The following TTN variants were observed in gnomAD, a reference collection of about 807,000 sequenced individuals.
TTN encodes the protein titin, also known as connectin.
A neutral mutation model predicts 3,223.0 loss-of-function variants in TTN; 1,525 were observed. The observed-to-expected ratio is 0.47, with a 90% CI of 0.45 to 0.49. The LOEUF is 0.49. TTN is among the 20% of genes least tolerant of loss of function. The pLI, the probability that TTN is intolerant of heterozygous loss-of-function variation, is 0.00. For missense variants in TTN, 40,786 were observed against 43,424.0 expected (o/e 0.94, Z 5.40); for synonymous variants, 14,094 against 15,161.0 (o/e 0.93, Z 5.17).
At chr2:178,759,283 T>A in intron 43 of TTN, 111 bp from the exon 44 acceptor site, 2 of 1,088,042 alleles carry the variant, frequency 1.8e-6, no homozygotes, top group Non-Finnish European at 2.8e-6. Flanking sequence ...ATATTTGACT[T>A]AATAACATGA....
Position 178,779,278 on chromosome 2 carries a change from C to T in TTN, c.3914G>A (p.Gly1305Glu). Residue 1305 changes from glycine to glutamate, a missense_variant, in exon 23 of 363, where the codon GGG (glycine) becomes GAG (glutamate). Physicochemically the swap from Gly to Glu is moderately conservative, Grantham distance 98. Coordinates refer to ENST00000589042, the MANE Select transcript of TTN (RefSeq NM_001267550.2). ...CTTGCAATGAAAAGTGACACCCATC[C>T]CCTCAAGAATTCTATAATTCTTGAT... ...SRIKNYRILEGMGVTFHCKMS... is the reference protein window; with the variant it reads ...SRIKNYRILEEMGVTFHCKMS... 1 of 1,613,794 alleles carries T rather than the reference C, an allele frequency of 6.2e-7. No homozygotes were observed. Among genetic ancestry groups the T allele is most frequent in the South Asian group, 1.1e-5 (1 of 91,064 alleles).
In TTN at chr2:178,764,617, C is replaced by G; in HGVS notation, c.9898G>C (p.Glu3300Gln). Residue 3300 changes from glutamate to glutamine, a missense_variant, in exon 42 of 363, where the codon GAA (glutamate) becomes CAA (glutamine). Glu to Gln is a conservative substitution (Grantham distance 29). Transcript: ENST00000589042. ...DGQEYTLLLI[E>Q]AFPEDAAVYT... ...ACTGCCGCATCCTCTGGGAAGGCTT[C>G]AATTAGCAAAAGCGTGTATTCTTGC... The G allele has an allele frequency of 6.2e-7, 1 of 1,614,070 alleles. No homozygotes were observed. Among genetic ancestry groups the G allele is most frequent in the Non-Finnish European group, 8.5e-7 (1 of 1,180,004 alleles).
At position 178,547,584 on chromosome 2, in the gene TTN, T is replaced by G. The variant is rs776880399; in HGVS notation, c.94042A>C (p.Lys31348Gln). ...CAAGCTGTTGTACCCGATTCACGCTTTTCAACTATGTAATTAGTAATTTCA... is the reference window on the plus strand; with the variant it reads ...CAAGCTGTTGTACCCGATTCACGCTGTTCAACTATGTAATTAGTAATTTCA... ...GTEITNYIVE[K>Q]RESGTTAWQL... The change falls in exon 339 of 363, where the codon AAG becomes CAG. Residue 31348 changes from lysine (K) to glutamine (Q), a missense_variant. Coordinates refer to ENST00000589042, the MANE Select transcript of TTN (RefSeq NM_001267550.2). 1 of 1,613,870 alleles carries G rather than the reference T, an allele frequency of 6.2e-7. No homozygotes were observed. Among genetic ancestry groups the G allele is most frequent in the Non-Finnish European group, 8.5e-7 (1 of 1,179,818 alleles).
At position 178,780,144 on chromosome 2, in the gene TTN, T is replaced by C; in HGVS notation, c.3585A>G (p.Ala1195=). 1 of 1,613,898 alleles carries C rather than the reference T, an allele frequency of 6.2e-7. No homozygotes were observed. The highest frequency in any genetic ancestry group is 8.5e-7 in the Non-Finnish European group (1 of 1,179,876). ...CTCCAACTTTAGGTTCTTGAACAAA[T>C]GCAGTCACTTGTGTCTGATAAAGCA... ...QEMLYQTQVT[A]FVQEPKVGET... is the part of the protein sequence containing the mutation. Residue 1195 remains alanine, a synonymous_variant, in exon 22 of 363, where the codon GCA becomes GCG. Coordinates refer to ENST00000589042, the MANE Select transcript of TTN (RefSeq NM_001267550.2).
At chr2:178,774,698 A>G (rs1652399542) in intron 29 of TTN, 1 of 703,502 alleles carries the variant, frequency 1.4e-6, no homozygotes, top group Non-Finnish European at 2.3e-6. Context: ...TCAATAAAAA[A>G]CTTAAAAGCT....
intron 92 of TTN, 71 bp downstream of exon 92, chr2:178,713,826 C>T (rs2077061459): frequency 3.9e-6 from 6 of 1,545,334 alleles, no homozygotes; most frequent in Middle Eastern, 1.7e-4. Context: ...TGTAACAACC[C>T]ATATACATTT....
rs775933082 is a variant in TTN at position 178,575,443 on chromosome 2, C to T, written c.70689G>A (p.Lys23563=). The change falls in exon 326 of 363, where the codon AAG becomes AAA. Residue 23563 remains lysine, a synonymous_variant. Coordinates refer to ENST00000589042, the MANE Select transcript of TTN (RefSeq NM_001267550.2). The surrounding 1 kb of genome is among the most constrained non-coding windows in gnomAD (Gnocchi z 4.0). ...GGGCTTCAATCACATAGCCAGTGAT[C>T]TTGCTGCCACCATCGTGTTTGGGCT... ...WPKPKHDGGS[K]ITGYVIEAQR... 1.9e-6 allele frequency: 3 copies of T among 1,613,560 alleles called. No individual in the cohort carries two copies. Among genetic ancestry groups the T allele is most frequent in the Non-Finnish European group, 2.5e-6 (3 of 1,179,606 alleles).
intron 70 of TTN, 52 bp downstream of exon 70, chr2:178,725,716 T>C: frequency 6.5e-7 from 1 of 1,548,632 alleles, no homozygotes; most frequent in East Asian, 2.3e-5. Context: ...GTGAAAAAAG[T>C]AGGATTTTGC....
Position 178,702,978 on chromosome 2 carries a change from G to A in TTN, c.30224-315C>T, listed in dbSNP as rs72953394. On this transcript the variant is annotated intron_variant, in intron 106 of 362. Coordinates refer to ENST00000589042, the MANE Select transcript of TTN (RefSeq NM_001267550.2). Reference sequence around the variant, plus strand: ...CAAAGTCAAATTAAATTTTAAAAGTGTTAGGGAACACAAACTTGATTGTAC... The same window carrying A: ...CAAAGTCAAATTAAATTTTAAAAGTATTAGGGAACACAAACTTGATTGTAC... 5.3e-3 allele frequency among the ~76,000 whole-genome samples: 812 copies of A among 152,314 alleles called. 2 individuals carry two copies. The highest frequency in any genetic ancestry group is 9.0e-3 in the Non-Finnish European group (610 of 68,024).
rs764650264 is a variant in TTN at position 178,740,321 on chromosome 2, C to A, written c.12912G>T (p.Leu4304Phe). Residue 4304 changes from leucine (L) to phenylalanine (F), a missense_variant, in exon 48 of 363, where the codon TTG becomes TTT. Transcript: ENST00000589042. Reference protein sequence around the residue: ...EHSCTEGGKILIESANPLENA... With the variant: ...EHSCTEGGKIFIESANPLENA... ...TTTCCAGTGGATTTGCACTTTCTAT[C>A]AAAATTTTACCTCCTTCTGTGCATG... The A allele has an allele frequency of 1.9e-6, 3 of 1,613,744 alleles. No individual in the cohort carries two copies. Among genetic ancestry groups the A allele is most frequent in the Non-Finnish European group, 2.5e-6 (3 of 1,179,800 alleles).
rs778267361 is a variant in TTN at position 178,601,486 on chromosome 2, T to C, written c.55511A>G (p.Asp18504Gly). 6.2e-7 allele frequency: 1 copy of C among 1,613,070 alleles called. No individual in the cohort carries two copies. Among genetic ancestry groups the C allele is most frequent in the East Asian group, 2.2e-5 (1 of 44,772 alleles). Residue 18504 changes from aspartate (D) to glycine (G), a missense_variant, in exon 287 of 363, where the codon GAC (aspartate) becomes GGC (glycine). Coordinates refer to ENST00000589042, the MANE Select transcript of TTN (RefSeq NM_001267550.2). ...GSCRLSWKMPDDDGGDRIKGY... is the reference protein window; with the variant it reads ...GSCRLSWKMPGDDGGDRIKGY... The stretch of plus-strand genomic sequence containing the variant: ...TTTGATCCTGTCTCCTCCATCGTCG[T>C]CTGGCATCTTCCATGAAAGTCTGCA...
chr2:178,532,844 G>A lies in TTN; in HGVS notation c.103771C>T (p.Arg34591Ter), dbSNP rs967542291. 9 of 1,613,796 alleles carry A rather than the reference G, an allele frequency of 5.6e-6. No individual in the cohort carries two copies. Among genetic ancestry groups the A allele is most frequent in the Admixed American group, 1.7e-5 (1 of 59,994 alleles). ...CTTGAAAGGCGGATGCGCTTGGGTC[G>A]TTTCTGTACAACTCTGTCAAGTTTC... ...PGKLDRVVQK[R>*]PKRIRLSRWE... Residue 34591 changes from arginine (R) to a stop codon, truncating the protein, a stop_gained, in exon 358 of 363, where the codon CGA becomes TGA. Transcript: ENST00000589042. LOFTEE classifies it high-confidence loss of function.
Position 178,651,271 on chromosome 2 carries a change from G to C in TTN, c.39597C>G (p.Pro13199=), listed in dbSNP as rs776088323. The C allele has an allele frequency of 1.2e-6, 2 of 1,613,090 alleles. No individual in the cohort carries two copies. The highest frequency in any genetic ancestry group is 1.1e-5 in the South Asian group (1 of 90,990). The part of the protein sequence containing the change: ...EVVPEKKVAV[P]KKPEVPPAKV... ...TTGCTGGTGGGACTTCTGGCTTTTT[G>C]GGAACAGCTACTTTCTTTTCTGGAA... The change falls in exon 208 of 363, where the codon CCC becomes CCG. Residue 13199 remains proline (P), a synonymous_variant. Transcript: ENST00000589042.
In TTN at chr2:178,683,247, T is replaced by C. The variant is rs1303094239; in HGVS notation, c.32851A>G (p.Ile10951Val). Residue 10951 changes from isoleucine to valine, a missense_variant, in exon 134 of 363, where the codon ATT becomes GTT. Transcript: ENST00000589042. ...KRVVKEEKVS[I>V]EAPKREPQPI... ...TGAGGTTCTCTTTTTGGAGCTTCAA[T>C]TGATACTTTTTCTTCTTTAACCACT... The C allele has an allele frequency of 1.3e-6, 2 of 1,552,400 alleles. No homozygotes were observed. Among genetic ancestry groups the C allele is most frequent in the Non-Finnish European group, 1.7e-6 (2 of 1,145,982 alleles).
Position 178,566,913 on chromosome 2 carries a change from A to G in TTN, c.79219T>C (p.Trp26407Arg), listed in dbSNP as rs1018970512. The change falls in exon 326 of 363, where the codon TGG becomes CGG. Residue 26407 changes from tryptophan (W) to arginine (R), a missense_variant. Transcript: ENST00000589042. ...CCACCATCACTATCTGGACGGTTCCAACAGACGGTCATGGAGTCTTTGGCA... is the reference window on the plus strand; with the variant it reads ...CCACCATCACTATCTGGACGGTTCCGACAGACGGTCATGGAGTCTTTGGCA... ...NIAKDSMTVC[W>R]NRPDSDGGSE... The G allele has an allele frequency of 2.0e-5, 32 of 1,613,548 alleles. No individual in the cohort carries two copies. In the Admixed American group the frequency reaches 5.3e-4, roughly 27 times the overall value.
intron 3 of TTN, among the ~76,000 whole-genome samples, chr2:178,801,739 C>T (rs923951844): frequency 1.1e-4 from 17 of 152,052 alleles, no homozygotes; most frequent in South Asian, 2.1e-4. Context: ...TGTAGACTAC[C>T]GGCATCAGAA....
chr2:178,621,082 A>T lies in TTN; in HGVS notation c.45616+20T>A. 2 of 1,609,292 alleles carry T rather than the reference A, an allele frequency of 1.2e-6. No individual in the cohort carries two copies. The highest frequency in any genetic ancestry group is 1.7e-6 in the Non-Finnish European group (2 of 1,178,508). ...AACAAACAAACAAACAAAAAACCCT[A>T]AAAGCAAGAACAAACTTACCAATGA... On this transcript the variant is annotated intron_variant, in intron 246 of 362. Transcript: ENST00000589042.
intron 102 of TTN, 23 bp from the exon 103 acceptor site, chr2:178,705,380 G>T: frequency 6.8e-7 from 1 of 1,480,390 alleles, no homozygotes; most frequent in Non-Finnish European, 9.0e-7. Flanking sequence ...TAAAAAGTAA[G>T]GATAAAACAC....
rs1300532206 is a variant in TTN, at chr2:178,741,544, C to A, written c.11689G>T (p.Asp3897Tyr). 8.7e-6 allele frequency: 14 copies of A among 1,613,714 alleles called. No homozygotes were observed. The highest frequency in any genetic ancestry group is 1.7e-5 in the Admixed American group (1 of 59,972). ...EGEYTCMASN[D>Y]YGKTICSAYL... ...GCACTACATATTGTCTTTCCATAGT[C>A]ATTACTGGCCATACATGTATACTCT... is the stretch of plus-strand genomic sequence containing the variant. Residue 3897 changes from aspartate (D) to tyrosine (Y), a missense_variant, in exon 48 of 363, where the codon GAC becomes TAC. Coordinates refer to ENST00000589042, the MANE Select transcript of TTN (RefSeq NM_001267550.2).
Sources: gnomAD v4.1 joint callset for allele counts (sites outside exome capture counted in the v4.1 genomes callset) on GRCh38, gnomAD v4.1.1 for gene constraint, Gnocchi (gnomAD v3.1) non-coding constraint, MANE v1.5 for transcripts, NCBI Gene and HGNC (gene_info 2026-07-23, HGNC 2026-07-21) for gene names.